Variants in RANBP17 observed in about 807,000 individuals in gnomAD.
The protein encoded by RANBP17 is ran-binding protein 17.
Under a neutral mutation model 141.2 loss-of-function variants are expected in RANBP17, and 158 were observed. The ratio of observed to expected loss-of-function variants is 1.12; its 90% CI spans 0.98 to 1.28. The LOEUF (loss-of-function observed/expected upper bound fraction) is 1.28, where lower values mean the gene tolerates loss of function less well. Ranked by LOEUF, RANBP17 falls within the 50% of genes most tolerant of loss-of-function variation. The probability of loss-of-function intolerance (pLI) is 0.00; values close to 1 mark genes in which losing one functional copy is unlikely to be tolerated. For synonymous variants in RANBP17, 430 were observed against 450.0 expected, an observed-to-expected ratio of 0.96 and a Z score of 0.56; for missense variants, 1,438 against 1,290.7, an observed-to-expected ratio of 1.11 and a Z score of -1.75.
intron 15 of RANBP17, among the ~76,000 whole-genome samples, chr5:171,170,970 T>C (rs2127883553): frequency 1.3e-5 from 2 of 152,242 alleles, no homozygotes; most frequent in South Asian, 4.1e-4. Flanking sequence ...AACTTTTTAA[T>C]TTACAAAACT....
chr5:171,090,040 G>A (rs1253100414), intron 14 of RANBP17, among the ~76,000 whole-genome samples: 1 of 152,178 alleles, frequency 6.6e-6, no homozygotes, highest in Admixed American at 6.5e-5. Context: ...AGGAGAGTGG[G>A]GCACTGCTGA....
intron 10 of RANBP17, 41 bp downstream of exon 10, chr5:170,918,900 T>G: frequency 7.6e-7 from 1 of 1,322,390 alleles, no homozygotes; most frequent in Non-Finnish European, 1.0e-6. Flanking sequence ...GTAGCCAGTT[T>G]TAAAACAGCT....
At chr5:171,236,270 AAAAG>A (rs1356670529) in intron 22 of RANBP17, among the ~76,000 whole-genome samples, 2 of 152,252 alleles carry the variant, frequency 1.3e-5, no homozygotes, top group African/African-American at 2.4e-5. Flanking sequence ...TTAAAAGAGA[AAAAG>A]AAAAGGTAAA....
chr5:171,056,956 A>C (rs1409520744), intron 14 of RANBP17, among the ~76,000 whole-genome samples: 1 of 152,158 alleles, frequency 6.6e-6, no homozygotes, highest in Non-Finnish European at 1.5e-5. Context: ...TTTTAATATA[A>C]CATGAAAATC....
Position 170,910,982 on chromosome 5 carries a change from C to G in RANBP17, c.608C>G (p.Pro203Arg). 2 of 1,610,624 alleles carry G rather than the reference C, an allele frequency of 1.2e-6. No homozygotes were observed. Among genetic ancestry groups the G allele is most frequent in the East Asian group, 2.2e-5 (1 of 44,816 alleles). ...CSLLKEVFAK[P>R]LNLQDQCQQN... Reference sequence around the variant, plus strand: ...TACTTTTTTCAGGTGTTTGCCAAACCTTTAAATCTTCAGGATCAATGTCAG... The same window carrying G: ...TACTTTTTTCAGGTGTTTGCCAAACGTTTAAATCTTCAGGATCAATGTCAG... Residue 203 changes from proline (P) to arginine (R), a missense_variant, in exon 7 of 28, where the codon CCT becomes CGT. Transcript: ENST00000523189.
chr5:171,198,850 A>T (rs936240837), intron 18 of RANBP17, among the ~76,000 whole-genome samples: 1 of 152,248 alleles, frequency 6.6e-6, no homozygotes, highest in African/African-American at 2.4e-5. Flanking sequence ...CTGTTTCTTC[A>T]GTAGAGTGCA....
intron 1 of RANBP17, among the ~76,000 whole-genome samples, chr5:170,865,492 A>G (rs1767173839): frequency 1.3e-5 from 2 of 152,208 alleles, no homozygotes; most frequent in East Asian, 3.8e-4. Flanking sequence ...TCGAACCATG[A>G]CATTTCTAAG....
intron 14 of RANBP17, among the ~76,000 whole-genome samples, chr5:171,106,702 C>G (rs1408271402): frequency 6.6e-6 from 1 of 152,084 alleles, no homozygotes; most frequent in Non-Finnish European, 1.5e-5. Flanking sequence ...GTTCTCAATA[C>G]TGGTTTTACA....
At chr5:171,153,552 C>G (rs1581747603) in intron 14 of RANBP17, among the ~76,000 whole-genome samples, 1 of 152,126 alleles carries the variant, frequency 6.6e-6, no homozygotes, top group East Asian at 1.9e-4. Context: ...ATGCAGAATA[C>G]TGGGAACATA....
At position 170,868,417 on chromosome 5, in the gene RANBP17, T is replaced by TTTGTTGTTGTTGTTG. The variant is rs371693546; in HGVS notation, c.18+6380_18+6394dup. Among the ~76,000 whole-genome samples the TTTGTTGTTGTTGTTG allele has an allele frequency of 4.1e-3, 626 of 151,614 alleles. 8 individuals carry two copies. Among genetic ancestry groups the TTTGTTGTTGTTGTTG allele is most frequent in the African/African-American group, 0.015 (600 of 41,208 alleles). On this transcript the variant is annotated intron_variant, in intron 1 of 27. Transcript: ENST00000523189. ...GCATGTGCTACCACACCTGGCTGAT[T>TTTGTTGTTGTTGTTG]TTGTTGTTGTTGTTGTTGTTGTTGT... is the stretch of plus-strand genomic sequence containing the variant.
intron 6 of RANBP17, 56 bp from the exon 7 acceptor site, chr5:170,910,913 G>A (rs970060072): frequency 5.3e-6 from 8 of 1,503,996 alleles, no homozygotes; most frequent in Admixed American, 1.8e-5. Flanking sequence ...AATTCATGAA[G>A]TGTAAATTTA....
chr5:171,253,977 G>C (rs191228226), intron 24 of RANBP17, among the ~76,000 whole-genome samples: 1 of 152,290 alleles, frequency 6.6e-6, no homozygotes, highest in Admixed American at 6.5e-5. Context: ...GCTAGGCGCG[G>C]TGGCTCACGC....
At chr5:171,261,163 C>G (rs188496746) in intron 24 of RANBP17, among the ~76,000 whole-genome samples, 1 of 116,720 alleles carries the variant, frequency 8.6e-6, no homozygotes, top group Non-Finnish European at 1.6e-5. Context: ...TGGATTGAAA[C>G]AGCCAGGAAA....
intron 16 of RANBP17, among the ~76,000 whole-genome samples, chr5:171,171,834 AT>A (rs1219388277): frequency 1.3e-5 from 2 of 152,002 alleles, no homozygotes; most frequent in Non-Finnish European, 2.9e-5. Context: ...CCAAATCAAC[AT>A]CTAATCTAAT....
chr5:170,928,085 A>G (rs1027830756), intron 12 of RANBP17, among the ~76,000 whole-genome samples: 1 of 152,092 alleles, frequency 6.6e-6, no homozygotes, highest in Admixed American at 6.6e-5. Flanking sequence ...CACTGTGGTT[A>G]TAATTTGCAT....
Position 170,943,389 on chromosome 5 carries a change from CAAT to C in RANBP17, c.1469-10204_1469-10202del, listed in dbSNP as rs1274758697. Among the ~76,000 whole-genome samples the C allele has an allele frequency of 3.9e-5, 6 of 152,018 alleles. No homozygotes were observed. In the South Asian group the frequency reaches 1.0e-3, roughly 26 times the overall value. Reference sequence around the variant, plus strand: ...GTGATATGGTCATGGTTTACGAAAACAATAATCCGTAAGAAATAGGTCATTAAC... The same window carrying C: ...GTGATATGGTCATGGTTTACGAAAACAATCCGTAAGAAATAGGTCATTAAC... On this transcript the variant is annotated intron_variant, in intron 12 of 27. Coordinates refer to ENST00000523189, the MANE Select transcript of RANBP17 (RefSeq NM_022897.5).
intron 11 of RANBP17, among the ~76,000 whole-genome samples, chr5:170,923,784 T>A (rs1405471880): frequency 6.6e-6 from 1 of 152,122 alleles, no homozygotes; most frequent in East Asian, 1.9e-4. Flanking sequence ...AAATTTGAAT[T>A]TCTAGTTGTT....
chr5:170,973,911 C>A (rs1353975829), intron 14 of RANBP17, among the ~76,000 whole-genome samples: 1 of 152,138 alleles, frequency 6.6e-6, no homozygotes, highest in African/African-American at 2.4e-5. Flanking sequence ...GAGAGCTCTG[C>A]CCTCATGACC....
rs749101696 is a variant in RANBP17 at position 171,213,729 on chromosome 5, T to G, written c.2330T>G (p.Met777Arg). Residue 777 changes from methionine (M) to arginine (R), a missense_variant, in exon 21 of 28, where the codon ATG becomes AGG. By Grantham distance (91) the Met-to-Arg change is moderately conservative (BLOSUM62 -1). Transcript: ENST00000523189. Reference protein sequence around the residue: ...TPILKLMAELMQNRSQRLNFD... With the variant: ...TPILKLMAELRQNRSQRLNFD... ...ATCTTGAAACTTATGGCAGAACTTATGCAAAACAGGTAAGCAGTGTGACAG... is the reference window on the plus strand; with the variant it reads ...ATCTTGAAACTTATGGCAGAACTTAGGCAAAACAGGTAAGCAGTGTGACAG... The G allele has an allele frequency of 6.2e-7, 1 of 1,610,824 alleles. No homozygotes were observed. The highest frequency in any genetic ancestry group is 2.2e-5 in the East Asian group (1 of 44,836).
Sources: allele counts gnomAD v4.1 joint callset (sites outside exome capture counted in the v4.1 genomes callset), GRCh38; gene constraint gnomAD v4.1.1; transcripts MANE v1.5; gene names NCBI Gene and HGNC (gene_info 2026-07-23, HGNC 2026-07-21).